Variants in AKAP8L observed in about 807,000 individuals in gnomAD.
AKAP8L encodes A-kinase anchor protein 8-like.
AKAP8L carries 34 observed loss-of-function variants against 77.5 expected under a neutral mutation model. The ratio of observed to expected loss-of-function variants is 0.44; its 90% CI spans 0.33 to 0.58. The LOEUF (loss-of-function observed/expected upper bound fraction) is 0.58. Ranked by LOEUF, AKAP8L falls within the 20% of genes least tolerant of loss-of-function variation. The pLI is 0.02. For synonymous variants in AKAP8L, 342 were observed against 340.7 expected (o/e 1.00, Z -0.04); for missense variants, 806 against 887.6 (o/e 0.91, Z 1.17).
intron 12 of AKAP8L, among the ~76,000 whole-genome samples, chr19:15,396,271 G>A (rs1967774786): frequency 6.6e-6 from 1 of 152,048 alleles, no homozygotes; most frequent in African/African-American, 2.4e-5. Flanking sequence ...CCCTCCTCCA[G>A]GGTGAAGACA....
Position 15,398,141 on chromosome 19 carries a change from C to T in AKAP8L, c.1158-286G>A, listed in dbSNP as rs940820047. ...GCAGCTGCTGCAACAGGCAACGAGT[C>T]GCTGGAAAGTTGCTGGAGGGCCTCG... On this transcript the variant is annotated intron_variant, in intron 9 of 13. Coordinates refer to ENST00000397410, the MANE Select transcript of AKAP8L (RefSeq NM_014371.4). This position sits in a 1 kb window ranked among gnomAD's most constrained non-coding sequence, Gnocchi z 9.2. 2.9e-5 allele frequency: 13 copies of T among 452,028 alleles called. No homozygotes were observed. Among genetic ancestry groups the T allele is most frequent in the Non-Finnish European group, 4.1e-5 (10 of 245,994 alleles). The allele number at this position is 452,028 out of a possible 1,614,324, so 28.0% of individuals were successfully genotyped here.
At chr19:15,400,411 A>G (rs1211196610) in intron 7 of AKAP8L, 53 bp from the exon 8 acceptor site, 2 of 1,501,454 alleles carry the variant, frequency 1.3e-6, no homozygotes, top group Non-Finnish European at 1.8e-6. Context: ...TTTTTTTTTA[A>G]AAGAAACCAA....
At chr19:15,388,616 T>G (rs1341604022) in intron 12 of AKAP8L, among the ~76,000 whole-genome samples, 5 of 152,094 alleles carry the variant, frequency 3.3e-5, no homozygotes, top group Non-Finnish European at 5.9e-5. Flanking sequence ...GATTTGAACT[T>G]AAGAATTAGT....
chr19:15,388,859 T>A (rs539565959), intron 12 of AKAP8L, among the ~76,000 whole-genome samples: 22 of 148,294 alleles, frequency 1.5e-4, no homozygotes, highest in African/African-American at 5.0e-4. Flanking sequence ...GAGCTTGCAG[T>A]GAGCCGAGAT....
intron 2 of AKAP8L, among the ~76,000 whole-genome samples, chr19:15,407,738 T>C (rs1465214200): frequency 2.0e-5 from 3 of 152,208 alleles, no homozygotes; most frequent in Non-Finnish European, 2.9e-5. Context: ...ACTACATCAG[T>C]GAAGTGACAT....
Position 15,400,999 on chromosome 19 carries a change from T to G in AKAP8L, c.861A>C (p.Pro287=). Reference sequence around the variant, plus strand: ...AGTCCGTGCGGGTGGCTTTGCTATCTGGCTCATCAGGACTGCCGCCCTGCT... The same window carrying G: ...AGTCCGTGCGGGTGGCTTTGCTATCGGGCTCATCAGGACTGCCGCCCTGCT... The part of the protein sequence containing the change: ...KRKQGGSPDE[P]DSKATRTDCS... Residue 287 remains proline (P), a synonymous_variant, in exon 6 of 14, where the codon CCA becomes CCC. Coordinates refer to ENST00000397410, the MANE Select transcript of AKAP8L (RefSeq NM_014371.4). 1.9e-6 allele frequency: 3 copies of G among 1,613,962 alleles called. No individual in the cohort carries two copies. The highest frequency in any genetic ancestry group is 2.5e-6 in the Non-Finnish European group (3 of 1,179,886).
At chr19:15,418,846 T>A in intron 1 of AKAP8L, 65 bp downstream of exon 1, 1 of 1,518,516 alleles carries the variant, frequency 6.6e-7, no homozygotes, top group Admixed American at 1.8e-5. Context: ...GCAAGCCTGG[T>A]GCGGCATCCG....
intron 1 of AKAP8L, chr19:15,417,547 C>T (rs535583021): frequency 6.6e-6 from 1 of 152,310 alleles, no homozygotes; most frequent in South Asian, 2.1e-4. Flanking sequence ...TGCCAGATGT[C>T]ATCTGGGGCA....
At position 15,397,049 on chromosome 19, in the gene AKAP8L, G is replaced by T; in HGVS notation, c.1536+101C>A. ...ATATCCACCTCCTCCTGCCTCCACT[G>T]CAGTCCCTCACGGGCTGGCAGAGGT... On this transcript the variant is annotated intron_variant, in intron 12 of 13. Coordinates refer to ENST00000397410, the MANE Select transcript of AKAP8L (RefSeq NM_014371.4). The surrounding 1 kb of genome is among the most constrained non-coding windows in gnomAD (Gnocchi z 4.7). The T allele has an allele frequency of 6.6e-7, 1 of 1,516,678 alleles. No individual in the cohort carries two copies. Among genetic ancestry groups the T allele is most frequent in the Non-Finnish European group, 9.0e-7 (1 of 1,109,458 alleles). The allele number at this position is 1,516,678 out of a possible 1,614,324, so 94.0% of individuals were successfully genotyped here. A position where few individuals can be genotyped will look rare whatever the true frequency, so the allele number is the denominator to read the frequency against.
chr19:15,390,274 G>A (rs1967633547), intron 12 of AKAP8L, among the ~76,000 whole-genome samples: 3 of 151,894 alleles, frequency 2.0e-5, no homozygotes, highest in South Asian at 2.1e-4. Context: ...AAAACTAGCC[G>A]GGCATGATGT....
chr19:15,416,106 T>C (rs1968203059), intron 1 of AKAP8L, among the ~76,000 whole-genome samples: 1 of 151,514 alleles, frequency 6.6e-6, no homozygotes, highest in Non-Finnish European at 1.5e-5. Flanking sequence ...TGATTACAAG[T>C]GTGAGCCACC....
At chr19:15,387,666 A>G (rs902559694) in intron 12 of AKAP8L, among the ~76,000 whole-genome samples, 2 of 151,900 alleles carry the variant, frequency 1.3e-5, no homozygotes, top group African/African-American at 4.8e-5. Flanking sequence ...CACCTCAAAA[A>G]CCATCCCTCT....
chr19:15,386,570 A>C (rs1967542427), intron 12 of AKAP8L, among the ~76,000 whole-genome samples: 1 of 152,150 alleles, frequency 6.6e-6, no homozygotes, highest in Non-Finnish European at 1.5e-5. Flanking sequence ...TCCACTCCAG[A>C]CAGTACAGCC....
chr19:15,412,580 G>A (rs760790605), intron 1 of AKAP8L, among the ~76,000 whole-genome samples: 21 of 152,044 alleles, frequency 1.4e-4, no homozygotes, highest in African/African-American at 5.1e-4. Context: ...ACGGAGTCTC[G>A]CACTAGGTTG....
At position 15,403,711 on chromosome 19, in the gene AKAP8L, G is replaced by A. The variant is rs61734289; in HGVS notation, c.126C>T (p.Tyr42=). The part of the protein sequence containing the change: ...GTWNSGTNRG[Y]EGYGYGYGYG... ...AGCCATAGCCATAGCCATAGCCCTC[G>A]TAGCCTGCAGTGAGGGAGACAGAGA... The change falls in exon 4 of 14, where the codon TAC becomes TAT. Residue 42 remains tyrosine (Y), a synonymous_variant. Coordinates refer to ENST00000397410, the MANE Select transcript of AKAP8L (RefSeq NM_014371.4). The surrounding 1 kb of genome is among the most constrained non-coding windows in gnomAD (Gnocchi z 4.3). 1.3e-6 allele frequency: 2 copies of A among 1,572,286 alleles called. No individual in the cohort carries two copies. The highest frequency in any genetic ancestry group is 8.6e-7 in the Non-Finnish European group (1 of 1,157,560).
rs753565141 is a variant in AKAP8L, at chr19:15,401,603, C to T, written c.363G>A (p.Arg121=). 6.3e-7 allele frequency: 1 copy of T among 1,579,966 alleles called. No homozygotes were observed. The stretch of plus-strand genomic sequence containing the variant: ...AGTCGCAGGACTCATAAGAGTCATA[C>T]CTGCAGAGGCATGGGGTGAGCATCA... ...QGGVYGSGGE[R]YDSYESCDSR... Residue 121 remains arginine (R), a splice_region_variant and synonymous_variant, in exon 5 of 14, where the codon AGG becomes AGA. Transcript: ENST00000397410. The surrounding 1 kb of genome is among the most constrained non-coding windows in gnomAD (Gnocchi z 6.2).
rs1967887482 is a variant in AKAP8L, at chr19:15,401,108, TGGGAACTAAGCTTCCCAGA to T, written c.816+23_816+41del. 2 of 1,606,858 alleles carry T rather than the reference TGGGAACTAAGCTTCCCAGA, an allele frequency of 1.2e-6. No homozygotes were observed. The highest frequency in any genetic ancestry group is 1.7e-6 in the Non-Finnish European group (2 of 1,179,644). On this transcript the variant is annotated intron_variant, in intron 5 of 13. Coordinates refer to ENST00000397410, the MANE Select transcript of AKAP8L (RefSeq NM_014371.4). The surrounding 1 kb of genome is among the most constrained non-coding windows in gnomAD (Gnocchi z 6.2). ...CACCCGGCCCTTAGCTCCGCCCCAGTGGGAACTAAGCTTCCCAGAGGGGAAGGCTGCCTCCACTCACTCG... is the reference window on the plus strand; with the variant it reads ...CACCCGGCCCTTAGCTCCGCCCCAGTGGGGAAGGCTGCCTCCACTCACTCG...
intron 7 of AKAP8L, 169 bp from the exon 8 acceptor site, chr19:15,400,527 G>A: frequency 1.3e-6 from 1 of 749,376 alleles, no homozygotes; most frequent in Non-Finnish European, 2.1e-6. Flanking sequence ...ATTTACAATG[G>A]CTTTAAATGA....
intron 12 of AKAP8L, chr19:15,381,891 T>C (rs1967426311): frequency 6.6e-6 from 1 of 152,254 alleles, no homozygotes; most frequent in African/African-American, 2.4e-5. Context: ...ACTTCCATGC[T>C]GGTGCTTTTC....
Sources: allele counts gnomAD v4.1 joint callset (sites outside exome capture counted in the v4.1 genomes callset), GRCh38; gene constraint gnomAD v4.1.1; non-coding constraint Gnocchi (gnomAD v3.1); transcripts MANE v1.5; gene names NCBI Gene and HGNC (gene_info 2026-07-23, HGNC 2026-07-21).